NRG3: variants seen among roughly 807,000 people sequenced by gnomAD.
NRG3 encodes pro-neuregulin-3, membrane-bound isoform.
A neutral mutation model predicts 66.9 loss-of-function variants in NRG3; 31 were observed. The observed-to-expected ratio is 0.46, with a 90% CI of 0.35 to 0.63. The LOEUF is 0.63. Among genes scored for constraint, NRG3 ranks in the 20% least tolerant of loss-of-function variants. NRG3 has a pLI of 0.00. For synonymous variants in NRG3, 393 were observed against 359.4 expected (o/e 1.09, Z -1.06); for missense variants, 910 against 878.9 (o/e 1.04, Z -0.45).
chr10:82,516,437 C>A (rs1705447529), intron 2 of NRG3, among the ~76,000 whole-genome samples: 1 of 152,012 alleles, frequency 6.6e-6, no homozygotes, highest in Non-Finnish European at 1.5e-5. Context: ...TCCAATCAAC[C>A]AATATACTAA....
chr10:82,814,587 G>A lies in NRG3; in HGVS notation c.1028-50824G>A, dbSNP rs139309428. On this transcript the variant is annotated intron_variant, in intron 3 of 8. Coordinates refer to ENST00000372141, the MANE Select transcript of NRG3 (RefSeq NM_001010848.4). ...CCCATGATGCCTCTATAGTAGAAAG[G>A]CCGACAGCTACTTCTGACCCATGAG... is the stretch of plus-strand genomic sequence containing the variant. 1.3e-3 allele frequency among the ~76,000 whole-genome samples: 192 copies of A among 152,232 alleles called. 3 individuals carry two copies. Among genetic ancestry groups the A allele is most frequent in the East Asian group, 0.012 (63 of 5,176 alleles).
At chr10:82,299,233 A>G (rs539953764) in intron 1 of NRG3, among the ~76,000 whole-genome samples, 2 of 152,318 alleles carry the variant, frequency 1.3e-5, no homozygotes, top group Non-Finnish European at 1.5e-5. Flanking sequence ...TGAGGTCAGA[A>G]TGGTTGACAA....
intron 2 of NRG3, among the ~76,000 whole-genome samples, chr10:82,641,852 T>G (rs904794882): frequency 2.0e-5 from 3 of 152,178 alleles, no homozygotes; most frequent in African/African-American, 7.2e-5. Flanking sequence ...TTTATTTGTA[T>G]TAAATGTATG....
At chr10:82,446,157 A>G (rs531918855) in intron 2 of NRG3, among the ~76,000 whole-genome samples, 1 of 152,328 alleles carries the variant, frequency 6.6e-6, no homozygotes, top group African/African-American at 2.4e-5. Context: ...TGATAAGGTC[A>G]CTTCCCTGTG....
At chr10:82,701,962 G>A (rs2055915787) in intron 2 of NRG3, among the ~76,000 whole-genome samples, 1 of 152,136 alleles carries the variant, frequency 6.6e-6, no homozygotes, top group Admixed American at 6.6e-5. Flanking sequence ...ATTAATGATG[G>A]AGTTAGTATT....
intron 3 of NRG3, among the ~76,000 whole-genome samples, chr10:82,762,305 A>G (rs1456909712): frequency 6.6e-6 from 1 of 152,060 alleles, no homozygotes; most frequent in African/African-American, 2.4e-5. Flanking sequence ...GAAATTTTCC[A>G]ATTTCCATTA....
At chr10:82,504,473 AT>A (rs1844490291) in intron 2 of NRG3, among the ~76,000 whole-genome samples, 1 of 152,168 alleles carries the variant, frequency 6.6e-6, no homozygotes, top group Non-Finnish European at 1.5e-5. Context: ...AGGCATGATA[AT>A]GCAATTCTGA....
At chr10:82,045,992 C>CA (rs1471516975) in intron 1 of NRG3, among the ~76,000 whole-genome samples, 1 of 149,552 alleles carries the variant, frequency 6.7e-6, no homozygotes, top group East Asian at 2.0e-4. Flanking sequence ...AGTTTGAAGT[C>CA]AGGTAGCGTG....
At chr10:82,148,183 T>G (rs970044119) in intron 1 of NRG3, among the ~76,000 whole-genome samples, 2 of 152,070 alleles carry the variant, frequency 1.3e-5, no homozygotes, top group African/African-American at 4.8e-5. Flanking sequence ...AATCAAAAAC[T>G]TCTTTGAGTC....
chr10:82,287,019 C>T (rs549448100), intron 1 of NRG3, among the ~76,000 whole-genome samples: 1 of 152,172 alleles, frequency 6.6e-6, no homozygotes, highest in Admixed American at 6.5e-5. Flanking sequence ...AATTAAAGTA[C>T]TGTTATAGCA....
At chr10:82,687,466 A>C (rs1021700853) in intron 2 of NRG3, among the ~76,000 whole-genome samples, 8 of 152,116 alleles carry the variant, frequency 5.3e-5, no homozygotes, top group African/African-American at 1.9e-4. Context: ...CATAATTATT[A>C]GATATAAACT....
chr10:82,516,899 T>A (rs557320581), intron 2 of NRG3, among the ~76,000 whole-genome samples: 5 of 152,302 alleles, frequency 3.3e-5, no homozygotes, highest in Non-Finnish European at 5.9e-5. Context: ...AAGAAGGTAT[T>A]CATTACTGAA....
chr10:82,337,988 G>T (rs150645779), intron 1 of NRG3, among the ~76,000 whole-genome samples: 4 of 152,108 alleles, frequency 2.6e-5, no homozygotes, highest in African/African-American at 7.2e-5. Context: ...AATAAGATCC[G>T]CACGCCTTCC....
chr10:82,546,551 A>G (rs1565053539), intron 2 of NRG3, among the ~76,000 whole-genome samples: 1 of 152,188 alleles, frequency 6.6e-6, no homozygotes, highest in East Asian at 1.9e-4. Flanking sequence ...AAACAATTGT[A>G]TTTATGCTCT....
chr10:82,289,296 T>C (rs2079593231), intron 1 of NRG3, among the ~76,000 whole-genome samples: 1 of 150,954 alleles, frequency 6.6e-6, no homozygotes, highest in Non-Finnish European at 1.5e-5. Flanking sequence ...GTCCCCCTTT[T>C]CTCCCCCTCC....
intron 1 of NRG3, among the ~76,000 whole-genome samples, chr10:82,339,557 C>T (rs1001380828): frequency 2.0e-5 from 3 of 152,120 alleles, no homozygotes; most frequent in African/African-American, 4.8e-5. Flanking sequence ...TTTCCACACA[C>T]GGAGATTATG....
In NRG3 at chr10:82,280,990, C is replaced by T. The variant is rs752037031; in HGVS notation, c.824-77749C>T. ...TACTGGTGTTATCTCATAATTGTAG[C>T]CTGATTAAATAGATCTTATTTTTTG... On this transcript the variant is annotated intron_variant, in intron 1 of 8. Transcript: ENST00000372141. Among the ~76,000 whole-genome samples the T allele has an allele frequency of 3.3e-5, 5 of 152,066 alleles. No individual in the cohort carries two copies. The South Asian group carries it at 6.2e-4, about 19-fold the overall frequency.
chr10:82,399,435 A>G (rs2086930856), intron 2 of NRG3, among the ~76,000 whole-genome samples: 1 of 152,230 alleles, frequency 6.6e-6, no homozygotes, highest in Non-Finnish European at 1.5e-5. Flanking sequence ...CAAGTGTCTT[A>G]GTTCGAGCTG....
chr10:82,390,749 G>A (rs1190621165), intron 2 of NRG3, among the ~76,000 whole-genome samples: 1 of 152,150 alleles, frequency 6.6e-6, no homozygotes, highest in Non-Finnish European at 1.5e-5. Context: ...CTGCAGAAGA[G>A]GACTGGTAAA....
Sources: allele counts gnomAD v4.1 joint callset (sites outside exome capture counted in the v4.1 genomes callset), GRCh38; gene constraint gnomAD v4.1.1; transcripts MANE v1.5; gene names NCBI Gene and HGNC (gene_info 2026-07-23, HGNC 2026-07-21).